CLIP4: variants seen among roughly 807,000 people sequenced by gnomAD.
The protein encoded by CLIP4 is CAP-Gly domain-containing linker protein 4.
CLIP4 carries 47 observed loss-of-function variants against 73.1 expected under a neutral mutation model. The observed-to-expected ratio is 0.64, with a 90% confidence interval of 0.51 to 0.82. CLIP4 has a LOEUF of 0.82. CLIP4 is among the 40% of genes least tolerant of loss of function. The probability of loss-of-function intolerance (pLI) is 0.00; values close to 1 mark genes in which losing one functional copy is unlikely to be tolerated. For missense variants in CLIP4, 874 were observed against 852.9 expected, an observed-to-expected ratio of 1.02 and a Z score of -0.31; for synonymous variants, 306 against 295.4, an observed-to-expected ratio of 1.04 and a Z score of -0.37.
intron 12 of CLIP4, 156 bp from the exon 13 acceptor site, chr2:29,163,675 C>A: frequency 1.5e-6 from 1 of 680,998 alleles, no homozygotes; most frequent in Non-Finnish European, 2.3e-6. Context: ...TCAAAGTTTA[C>A]AATTTTATAA....
At chr2:29,127,087 C>T (rs1664656555) in intron 2 of CLIP4, among the ~76,000 whole-genome samples, 1 of 152,068 alleles carries the variant, frequency 6.6e-6, no homozygotes, top group Non-Finnish European at 1.5e-5. Context: ...TCTCATTAAG[C>T]TGGCCTGATT....
At chr2:29,150,643 CTTTTTTTTTT>C (rs34553625) in intron 8 of CLIP4, among the ~76,000 whole-genome samples, 39 of 80,264 alleles carry the variant, frequency 4.9e-4, no homozygotes, top group African/African-American at 1.1e-3. Flanking sequence ...TTGATTTGCT[CTTTTTTTTTT>C]TTTTTTTTTT....
intron 4 of CLIP4, among the ~76,000 whole-genome samples, chr2:29,133,153 A>G (rs1290739398): frequency 6.6e-6 from 1 of 152,210 alleles, no homozygotes; most frequent in African/African-American, 2.4e-5. Flanking sequence ...GTATCACTAC[A>G]CTGCAATCTG....
At position 29,132,165 on chromosome 2, in the gene CLIP4, G is replaced by A. The variant is rs912883508; in HGVS notation, c.287G>A (p.Gly96Asp). ...DIIGNEILKR[G>D]CNVNDRDGLT... ...TGACTGCTTCAGATTCTTAAGAGAG[G>A]TTGCAATGTGAATGATAGAGATGGA... The change falls in exon 4 of 16, where the codon GGT becomes GAT. Residue 96 changes from glycine (G) to aspartate (D), a missense_variant. By Grantham distance (94) the Gly-to-Asp change is moderately conservative (BLOSUM62 -1). Coordinates refer to ENST00000320081, the MANE Select transcript of CLIP4 (RefSeq NM_024692.6). The A allele has an allele frequency of 3.0e-5, 49 of 1,613,436 alleles. No homozygotes were observed. Among genetic ancestry groups the A allele is most frequent in the Non-Finnish European group, 4.2e-5 (49 of 1,179,518 alleles).
intron 6 of CLIP4, among the ~76,000 whole-genome samples, chr2:29,140,414 A>C (rs1665679942): frequency 6.6e-6 from 1 of 151,978 alleles, no homozygotes; most frequent in Non-Finnish European, 1.5e-5. Context: ...TGAACTCATC[A>C]TTTTTTATGG....
chr2:29,175,725 A>G (rs1372608926), intron 15 of CLIP4: 1 of 152,150 alleles, frequency 6.6e-6, no homozygotes, highest in East Asian at 1.9e-4. Context: ...TTAAAAATAT[A>G]CTTTTATTGA....
chr2:29,159,649 C>A (rs1040560533), intron 11 of CLIP4, among the ~76,000 whole-genome samples: 7 of 143,054 alleles, frequency 4.9e-5, no homozygotes, highest in Non-Finnish European at 7.4e-5. Flanking sequence ...GAGTTTGAGA[C>A]CAGCTTGGTC....
Position 29,132,213 on chromosome 2 carries a change from A to G in CLIP4, c.335A>G (p.His112Arg), listed in dbSNP as rs772623218. Residue 112 changes from histidine (H) to arginine (R), a missense_variant, in exon 4 of 16, where the codon CAT becomes CGT. His to Arg is a conservative substitution (Grantham distance 29, BLOSUM62 0). Transcript: ENST00000320081. ...RDGLTDMTLL[H>R]YTCKSGAHGI... ...GGATTGACAGATATGACTCTTTTACATTATACCTGCAAATCTGGAGCTCAT... is the reference window on the plus strand; with the variant it reads ...GGATTGACAGATATGACTCTTTTACGTTATACCTGCAAATCTGGAGCTCAT... 1.2e-6 allele frequency: 2 copies of G among 1,613,760 alleles called. No homozygotes were observed. The highest frequency in any genetic ancestry group is 4.5e-5 in the East Asian group (2 of 44,850).
chr2:29,173,365 A>G (rs1364131370), intron 14 of CLIP4, among the ~76,000 whole-genome samples: 2 of 152,152 alleles, frequency 1.3e-5, no homozygotes, highest in Non-Finnish European at 2.9e-5. Context: ...TTTGTTTCTC[A>G]TTTCACCTTG....
intron 12 of CLIP4, among the ~76,000 whole-genome samples, chr2:29,161,100 G>A (rs866148424): frequency 1.3e-5 from 2 of 151,964 alleles, no homozygotes; most frequent in Non-Finnish European, 2.9e-5. Flanking sequence ...TCAGCCTCCC[G>A]AGTAGGTGGG....
At chr2:29,101,293 C>G (rs933821685) in intron 1 of CLIP4, among the ~76,000 whole-genome samples, 18 of 147,366 alleles carry the variant, frequency 1.2e-4, no homozygotes, top group South Asian at 4.3e-4. Context: ...TTTTCCCCCC[C>G]CCAAAACAAA....
intron 2 of CLIP4, chr2:29,130,146 G>A (rs1390915986): frequency 1.5e-5 from 7 of 453,884 alleles, no homozygotes; most frequent in Non-Finnish European, 3.3e-5. Flanking sequence ...TCCATGGCTG[G>A]GTGAGAGAGC....
intron 6 of CLIP4, among the ~76,000 whole-genome samples, chr2:29,136,219 C>G (rs1186872449): frequency 6.7e-6 from 1 of 149,916 alleles, no homozygotes; most frequent in African/African-American, 2.5e-5. Context: ...TTCTGTTTTC[C>G]CTTTCTTTAT....
At chr2:29,158,305 T>G (rs1667067248) in intron 11 of CLIP4, among the ~76,000 whole-genome samples, 1 of 152,198 alleles carries the variant, frequency 6.6e-6, no homozygotes. Flanking sequence ...TAAGGCCCCC[T>G]TCATTTGGTA....
intron 12 of CLIP4, 122 bp from the exon 13 acceptor site, chr2:29,163,706 CATG>C: frequency 1.2e-6 from 1 of 846,506 alleles, no homozygotes; most frequent in Non-Finnish European, 1.8e-6. Flanking sequence ...TAATGAGTAT[CATG>C]ATCTTCCCTC....
At chr2:29,109,777 G>A (rs1668336860) in intron 1 of CLIP4, among the ~76,000 whole-genome samples, 1 of 152,124 alleles carries the variant, frequency 6.6e-6, no homozygotes, top group Non-Finnish European at 1.5e-5. Flanking sequence ...TTATAGAATA[G>A]GGCCGGCATG....
At chr2:29,121,042 G>T (rs1046196191) in intron 1 of CLIP4, among the ~76,000 whole-genome samples, 1 of 152,166 alleles carries the variant, frequency 6.6e-6, no homozygotes, top group African/African-American at 2.4e-5. Context: ...ATCTACAAGG[G>T]TTAATACGCC....
intron 6 of CLIP4, among the ~76,000 whole-genome samples, chr2:29,142,856 G>A (rs1212866965): frequency 6.6e-6 from 1 of 152,200 alleles, no homozygotes; most frequent in East Asian, 1.9e-4. Context: ...GTTAGGGAAT[G>A]TAAGATGACA....
chr2:29,131,995 T>C (rs1665002765), intron 3 of CLIP4, 157 bp from the exon 4 acceptor site: 1 of 540,354 alleles, frequency 1.9e-6, no homozygotes, highest in African/African-American at 2.0e-5. Flanking sequence ...TGAGTACAGA[T>C]TTAAAAATTT....
Sources: gnomAD v4.1 joint callset for allele counts (sites outside exome capture counted in the v4.1 genomes callset) on GRCh38, gnomAD v4.1.1 for gene constraint, MANE v1.5 for transcripts, NCBI Gene and HGNC (gene_info 2026-07-23, HGNC 2026-07-21) for gene names.